Variants in MYCT1 observed in about 807,000 individuals in gnomAD.
MYCT1 encodes the protein myc target protein 1.
A neutral mutation model predicts 15.0 loss-of-function variants in MYCT1; 12 were observed. The ratio of observed to expected loss-of-function variants is 0.80; its 90% CI spans 0.51 to 1.29. MYCT1 has a LOEUF of 1.29. Among genes scored for constraint, MYCT1 ranks in the 50% most tolerant of loss-of-function variants. The probability of loss-of-function intolerance (pLI) is 0.00; values close to 1 mark genes in which losing one functional copy is unlikely to be tolerated. For synonymous variants in MYCT1, 104 were observed against 102.7 expected (o/e 1.01, Z -0.07); for missense variants, 287 against 279.1 (o/e 1.03, Z -0.20).
At chr6:152,728,544 T>C (rs569638013), downstream of MYCT1, among the ~76,000 whole-genome samples, 30 of 102,114 alleles carry the variant, frequency 2.9e-4, no homozygotes, top group African/African-American at 7.3e-4. Context: ...GAATTCTAAG[T>C]AGAAAAAAAA....
downstream of MYCT1, among the ~76,000 whole-genome samples, chr6:152,729,002 G>T (rs1423493757): frequency 6.6e-6 from 1 of 152,120 alleles, no homozygotes; most frequent in Non-Finnish European, 1.5e-5. Flanking sequence ...CAAGAATCAA[G>T]AACAACATGT....
chr6:152,745,806 A>G, the MYCT1 span, among the ~76,000 whole-genome samples: 4 of 152,016 alleles, frequency 2.6e-5, no homozygotes, highest in African/African-American at 9.7e-5. Flanking sequence ...TGTTCCTTGG[A>G]TGGTATTTTG....
In MYCT1 at chr6:152,721,705, TA is replaced by T. The variant is rs1403456903; in HGVS notation, c.197-32del. ...CCTTGTTTTTAGTTGAAAACCTATTTAAAAATTGATTTAGCAATTTGTTTTC... is the reference window on the plus strand; with the variant it reads ...CCTTGTTTTTAGTTGAAAACCTATTTAAAATTGATTTAGCAATTTGTTTTC... On this transcript the variant is annotated intron_variant, in intron 1 of 1. Transcript: ENST00000367245. The T allele has an allele frequency of 3.8e-6, 6 of 1,575,326 alleles. No homozygotes were observed. The African/African-American group carries it at 8.2e-5, about 21-fold the overall frequency.
At chr6:152,718,504 G>A (rs1436547962) in intron 1 of MYCT1, among the ~76,000 whole-genome samples, 1 of 151,926 alleles carries the variant, frequency 6.6e-6, no homozygotes, top group Non-Finnish European at 1.5e-5. Flanking sequence ...CCTCGGCCTC[G>A]CAAAGTGCTG....
chr6:152,721,660 A>C (rs2099724723), intron 1 of MYCT1, 82 bp from the exon 2 acceptor site: 3 of 1,272,350 alleles, frequency 2.4e-6, no homozygotes, highest in Non-Finnish European at 3.3e-6. Context: ...TATTCTTTGA[A>C]TTACAGTATA....
the MYCT1 span, among the ~76,000 whole-genome samples, chr6:152,742,516 C>T: frequency 1.3e-5 from 2 of 151,976 alleles, no homozygotes; most frequent in South Asian, 2.1e-4. Context: ...CAATAGGGAA[C>T]CACAGAAAGA....
chr6:152,718,120 T>G (rs1385508049), intron 1 of MYCT1, among the ~76,000 whole-genome samples: 1 of 152,146 alleles, frequency 6.6e-6, no homozygotes, highest in Non-Finnish European at 1.5e-5. Context: ...CAGAGAATGA[T>G]CATTTTAAAT....
chr6:152,726,860 GC>G (rs1415622301), downstream of MYCT1, among the ~76,000 whole-genome samples: 1 of 152,162 alleles, frequency 6.6e-6, no homozygotes. Flanking sequence ...GTACTGCCAT[GC>G]TGATCTGGGG....
the MYCT1 span, among the ~76,000 whole-genome samples, chr6:152,734,635 C>T: frequency 6.6e-6 from 1 of 152,072 alleles, no homozygotes; most frequent in South Asian, 2.1e-4. Context: ...TTGGAAAAGA[C>T]ACTTCAGTAA....
downstream of MYCT1, among the ~76,000 whole-genome samples, chr6:152,727,226 A>AAG (rs1555097130): frequency 6.7e-6 from 1 of 148,606 alleles, no homozygotes; most frequent in Non-Finnish European, 1.5e-5. Flanking sequence ...AAAAAAAAAA[A>AAG]TATGGAAAGA....
At chr6:152,718,632 A>G (rs1290517987) in intron 1 of MYCT1, among the ~76,000 whole-genome samples, 2 of 152,176 alleles carry the variant, frequency 1.3e-5, no homozygotes, top group African/African-American at 2.4e-5. Flanking sequence ...AAAGTTTGCT[A>G]TTATTCCACT....
the MYCT1 span, among the ~76,000 whole-genome samples, chr6:152,742,265 GAA>G: frequency 6.6e-6 from 1 of 152,186 alleles, no homozygotes; most frequent in Non-Finnish European, 1.5e-5. Flanking sequence ...AGTCTTTCTG[GAA>G]AAAAATGTTC....
chr6:152,741,188 T>C, the MYCT1 span, among the ~76,000 whole-genome samples: 38 of 152,302 alleles, frequency 2.5e-4, no homozygotes, highest in African/African-American at 8.4e-4. Flanking sequence ...CCATTCATGC[T>C]AAGAAAAACT....
intron 1 of MYCT1, among the ~76,000 whole-genome samples, chr6:152,709,200 T>C (rs2099722786): frequency 3.9e-5 from 1 of 25,326 alleles, no homozygotes; most frequent in African/African-American, 1.1e-4. Context: ...CATCATTTTT[T>C]ATGGCTGCAT....
chr6:152,739,480 G>A, the MYCT1 span, among the ~76,000 whole-genome samples: 11 of 151,778 alleles, frequency 7.2e-5, no homozygotes, highest in African/African-American at 2.4e-5. Flanking sequence ...AAAGAATGAA[G>A]AGAATTTAAA....
At chr6:152,746,579 C>G in the MYCT1 span, among the ~76,000 whole-genome samples, 2 of 152,170 alleles carry the variant, frequency 1.3e-5, no homozygotes, top group East Asian at 1.9e-4. Flanking sequence ...GAGGACTACT[C>G]TATGTGGTGG....
chr6:152,746,637 T>TTTAAAATCTTTAATACTCTATTTTTCAAC, the MYCT1 span, among the ~76,000 whole-genome samples: 1 of 152,212 alleles, frequency 6.6e-6, no homozygotes, highest in Non-Finnish European at 1.5e-5. Flanking sequence ...TAAAATTGGT[T>TTTAAAATCTTTAATACTCTATTTTTCAAC]TTAAAATCTT....
At chr6:152,739,274 T>C in the MYCT1 span, among the ~76,000 whole-genome samples, 3 of 151,820 alleles carry the variant, frequency 2.0e-5, no homozygotes, top group Non-Finnish European at 2.9e-5. Flanking sequence ...AATATTTTAA[T>C]AAATTATAAT....
intron 1 of MYCT1, among the ~76,000 whole-genome samples, chr6:152,720,243 G>C (rs2099724441): frequency 6.6e-6 from 1 of 152,028 alleles, no homozygotes. Context: ...GACAATGGCA[G>C]GGGTCCCAAG....
Sources: gnomAD v4.1 joint callset for allele counts (sites outside exome capture counted in the v4.1 genomes callset) on GRCh38, gnomAD v4.1.1 for gene constraint, MANE v1.5 for transcripts, NCBI Gene and HGNC (gene_info 2026-07-23, HGNC 2026-07-21) for gene names.